AKAP19: variants seen among roughly 807,000 people sequenced by gnomAD.
AKAP19 encodes the protein A-kinase anchoring protein 19.
At chr2:190,050,143 G>A in the AKAP19 span, among the ~76,000 whole-genome samples, 139 of 152,334 alleles carry the variant, frequency 9.1e-4, no homozygotes, top group African/African-American at 3.2e-3. Context: ...GCTCTGCTGT[G>A]CAATGTAGAC....
chr2:190,094,568 T>C, the AKAP19 span, among the ~76,000 whole-genome samples: 1 of 152,242 alleles, frequency 6.6e-6, no homozygotes, highest in African/African-American at 2.4e-5. Context: ...TTCTTCTATT[T>C]CTGTTTAGAT....
chr2:189,944,958 AAC>A, the AKAP19 span, among the ~76,000 whole-genome samples: 3 of 152,338 alleles, frequency 2.0e-5, no homozygotes, highest in Middle Eastern at 3.4e-3. Context: ...AAAGTATGAA[AAC>A]ACATGGAAAT....
the AKAP19 span, among the ~76,000 whole-genome samples, chr2:189,916,765 C>T: frequency 6.6e-6 from 1 of 152,146 alleles, no homozygotes; most frequent in Admixed American, 6.6e-5. Flanking sequence ...GAATTGTCAT[C>T]CAGGTTGTTA....
At chr2:190,041,279 A>G in the AKAP19 span, among the ~76,000 whole-genome samples, 2 of 151,892 alleles carry the variant, frequency 1.3e-5, no homozygotes, top group South Asian at 2.1e-4. Flanking sequence ...TTTTGTGGCA[A>G]TTGGGACTGG....
the AKAP19 span, among the ~76,000 whole-genome samples, chr2:189,943,236 C>A: frequency 6.6e-6 from 1 of 152,220 alleles, no homozygotes; most frequent in Non-Finnish European, 1.5e-5. Context: ...CTGCTCTGCA[C>A]AGCCTCAGGA....
the AKAP19 span, among the ~76,000 whole-genome samples, chr2:190,126,147 C>T: frequency 8.6e-5 from 13 of 150,968 alleles, no homozygotes; most frequent in East Asian, 5.8e-4. Context: ...AAAAATTAGC[C>T]GGGCGTGGTG....
At chr2:189,986,420 A>AC in the AKAP19 span, among the ~76,000 whole-genome samples, 10 of 149,370 alleles carry the variant, frequency 6.7e-5, no homozygotes, top group Non-Finnish European at 1.0e-4. Context: ...AAGAAAAACA[A>AC]AAAAAAAAAG....
At chr2:190,090,919 A>G in the AKAP19 span, 1 of 152,330 alleles carries the variant, frequency 6.6e-6, no homozygotes, top group Non-Finnish European at 1.5e-5. Flanking sequence ...CATGGACTCT[A>G]GCTTATTACA....
the AKAP19 span, among the ~76,000 whole-genome samples, chr2:189,987,519 T>C: frequency 1.3e-5 from 2 of 152,224 alleles, no homozygotes; most frequent in African/African-American, 4.8e-5. Context: ...CTCCCAAATC[T>C]GCCTTAGCAA....
At chr2:190,030,935 G>A in the AKAP19 span, among the ~76,000 whole-genome samples, 102 of 152,286 alleles carry the variant, frequency 6.7e-4, 1 homozygote, top group Admixed American at 5.6e-3. Context: ...AGACAAATTA[G>A]CAGGATTTGG....
the AKAP19 span, among the ~76,000 whole-genome samples, chr2:190,194,475 T>TATAC: frequency 3.9e-5 from 5 of 126,820 alleles, no homozygotes; most frequent in Non-Finnish European, 8.1e-5. Flanking sequence ...GTATCCTGTG[T>TATAC]ATACACACAC....
At chr2:190,031,567 T>C in the AKAP19 span, among the ~76,000 whole-genome samples, 1 of 148,266 alleles carries the variant, frequency 6.7e-6, no homozygotes, top group South Asian at 2.1e-4. Flanking sequence ...TTATCATGAC[T>C]TTATTTTTTA....
the AKAP19 span, among the ~76,000 whole-genome samples, chr2:189,910,428 C>T: frequency 6.6e-6 from 1 of 151,934 alleles, no homozygotes; most frequent in African/African-American, 2.4e-5. Flanking sequence ...GTTGCTCTTA[C>T]CCGAATACTT....
At chr2:190,130,448 A>C in the AKAP19 span, among the ~76,000 whole-genome samples, 2 of 152,226 alleles carry the variant, frequency 1.3e-5, no homozygotes, top group Non-Finnish European at 2.9e-5. Flanking sequence ...GTTAGATACA[A>C]GTTTCTAATT....
At chr2:190,102,321 G>C in the AKAP19 span, among the ~76,000 whole-genome samples, 1 of 151,290 alleles carries the variant, frequency 6.6e-6, no homozygotes, top group African/African-American at 2.4e-5. Flanking sequence ...AGCAGAAGAA[G>C]AGGAATAACT....
At chr2:189,953,366 T>TGGCTCAC in the AKAP19 span, among the ~76,000 whole-genome samples, 192 of 152,294 alleles carry the variant, frequency 1.3e-3, no homozygotes, top group African/African-American at 4.1e-3. Context: ...CCGGGCATGG[T>TGGCTCAC]GGCTCACACC....
the AKAP19 span, among the ~76,000 whole-genome samples, chr2:190,165,455 A>G: frequency 6.6e-6 from 1 of 152,160 alleles, no homozygotes; most frequent in African/African-American, 2.4e-5. Flanking sequence ...TACAATACAA[A>G]ACAAAACAAA....
the AKAP19 span, among the ~76,000 whole-genome samples, chr2:190,070,821 T>C: frequency 2.0e-5 from 3 of 152,236 alleles, no homozygotes; most frequent in African/African-American, 4.8e-5. Flanking sequence ...AGAGGAGAAA[T>C]CTGATGGGAA....
At chr2:190,115,465 G>T in the AKAP19 span, among the ~76,000 whole-genome samples, 4 of 138,240 alleles carry the variant, frequency 2.9e-5, no homozygotes, top group African/African-American at 8.2e-5. Flanking sequence ...GACTACAGGC[G>T]CCCGCCACTA....
Sources: gnomAD v4.1 joint callset for allele counts (sites outside exome capture counted in the v4.1 genomes callset) on GRCh38, gnomAD v4.1.1 for gene constraint, MANE v1.5 for transcripts, NCBI Gene and HGNC (gene_info 2026-07-23, HGNC 2026-07-21) for gene names.